Variants in CYP2C18 observed in about 807,000 individuals in gnomAD.
CYP2C18 encodes the protein cytochrome P450 2C18.
A neutral mutation model predicts 41.3 loss-of-function variants in CYP2C18; 38 were observed. The ratio of observed to expected loss-of-function variants is 0.92; its 90% CI spans 0.71 to 1.21. The LOEUF is 1.21. Among genes scored for constraint, CYP2C18 ranks in the 50% most tolerant of loss-of-function variants. The pLI is 0.00. For synonymous variants in CYP2C18, 236 were observed against 210.0 expected (o/e 1.12, Z -1.07); for missense variants, 635 against 591.4 (o/e 1.07, Z -0.77).
chr10:94,716,352 A>C (rs190348126), intron 5 of CYP2C18, among the ~76,000 whole-genome samples: 1 of 152,204 alleles, frequency 6.6e-6, no homozygotes, highest in Admixed American at 6.5e-5. Flanking sequence ...ACACTGCTTT[A>C]AATGTGTCCC....
chr10:94,684,636 T>C (rs1028818946), intron 1 of CYP2C18, among the ~76,000 whole-genome samples: 1 of 152,204 alleles, frequency 6.6e-6, no homozygotes, highest in African/African-American at 2.4e-5. Context: ...ATCTTGGCTA[T>C]TGTCAATAGC....
At chr10:94,704,231 A>C (rs1296592123) in intron 4 of CYP2C18, among the ~76,000 whole-genome samples, 2 of 152,094 alleles carry the variant, frequency 1.3e-5, no homozygotes, top group African/African-American at 2.4e-5. Context: ...TGTGAAGTGA[A>C]TGTTTGAAAA....
chr10:94,719,643 C>T (rs528160784), intron 5 of CYP2C18, among the ~76,000 whole-genome samples: 6 of 150,246 alleles, frequency 4.0e-5, no homozygotes, highest in East Asian at 4.0e-4. Flanking sequence ...GGTGTGATCT[C>T]GGCTCACTGC....
intron 5 of CYP2C18, among the ~76,000 whole-genome samples, chr10:94,712,848 CT>C (rs1234049579): frequency 9.2e-5 from 14 of 152,160 alleles, no homozygotes; most frequent in African/African-American, 2.9e-4. Context: ...TTCACCAACA[CT>C]TGTTTTTTCT....
At chr10:94,690,897 T>C (rs1171468660) in intron 3 of CYP2C18, among the ~76,000 whole-genome samples, 32 of 152,046 alleles carry the variant, frequency 2.1e-4, no homozygotes, top group Admixed American at 2.1e-3. Context: ...AGTAATCCAG[T>C]ATATAAACAG....
At chr10:94,720,160 C>G (rs1847623863) in intron 5 of CYP2C18, among the ~76,000 whole-genome samples, 1 of 152,130 alleles carries the variant, frequency 6.6e-6, no homozygotes, top group African/African-American at 2.4e-5. Flanking sequence ...ATGGCCAACA[C>G]AGCTCCAAAA....
intron 4 of CYP2C18, among the ~76,000 whole-genome samples, chr10:94,696,070 A>C (rs58097738): frequency 0.025 from 3,842 of 152,220 alleles, 148 homozygotes; most frequent in African/African-American, 0.075. Context: ...GGCATAGCCA[A>C]ACAAAAGGCA....
chr10:94,734,406 C>T (rs570067429), intron 8 of CYP2C18, among the ~76,000 whole-genome samples: 32 of 152,162 alleles, frequency 2.1e-4, no homozygotes, highest in South Asian at 1.5e-3. Flanking sequence ...AAGGATTTCA[C>T]GTTTTAGCAA....
In CYP2C18 at chr10:94,691,819, A is replaced by C. The variant is rs915927715; in HGVS notation, c.482-3098A>C. ...CAAAACAGCATGGTACTGGTACCAA[A>C]ACAGAGATATAGACCAATGGAACAG... On this transcript the variant is annotated intron_variant, in intron 3 of 8. Transcript: ENST00000285979. 7.2e-5 allele frequency among the ~76,000 whole-genome samples: 11 copies of C among 152,294 alleles called. No homozygotes were observed. In the South Asian group the frequency reaches 2.1e-3, roughly 29 times the overall value.
intron 7 of CYP2C18, among the ~76,000 whole-genome samples, chr10:94,724,770 T>C (rs573722904): frequency 5.3e-5 from 2 of 38,020 alleles, no homozygotes; most frequent in South Asian, 2.8e-3. Flanking sequence ...TTTTTTTTTG[T>C]GGCTATTCTC....
chr10:94,689,090 G>A (rs535434040), intron 3 of CYP2C18, among the ~76,000 whole-genome samples: 1 of 152,032 alleles, frequency 6.6e-6, no homozygotes, highest in Non-Finnish European at 1.5e-5. Flanking sequence ...TAATTTCCCT[G>A]TTAATTAAGA....
Position 94,735,330 on chromosome 10 carries a change from G to A in CYP2C18, c.1359G>A (p.Leu453=). The change falls in exon 9 of 9, where the codon TTG becomes TTA. Residue 453 remains leucine (L), a synonymous_variant. Transcript: ENST00000285979. ...MELFLFLTTI[L]QNFNLKSQVD... ...TGTTTTTATTCCTGACCACCATTTTGCAGAACTTTAACCTGAAATCTCAGG... is the reference window on the plus strand; with the variant it reads ...TGTTTTTATTCCTGACCACCATTTTACAGAACTTTAACCTGAAATCTCAGG... 2 of 1,613,700 alleles carry A rather than the reference G, an allele frequency of 1.2e-6. No individual in the cohort carries two copies. The highest frequency in any genetic ancestry group is 1.7e-6 in the Non-Finnish European group (2 of 1,179,760).
rs774342624 is a variant in CYP2C18 at position 94,735,410 on chromosome 10, C to T, written c.1439C>T (p.Pro480Leu). 1.1e-5 allele frequency: 18 copies of T among 1,613,514 alleles called. No homozygotes were observed. The highest frequency in any genetic ancestry group is 1.5e-5 in the Non-Finnish European group (18 of 1,179,674). ...ATTGCCAATGCATTTGGTCGTGTGCCACCCTTGTACCAGCTCTGCTTCATT... is the reference window on the plus strand; with the variant it reads ...ATTGCCAATGCATTTGGTCGTGTGCTACCCTTGTACCAGCTCTGCTTCATT... ...TPIANAFGRV[P>L]PLYQLCFIPV The change falls in exon 9 of 9, where the codon CCA becomes CTA. Residue 480 changes from proline (P) to leucine (L), a missense_variant. Pro to Leu is a moderately conservative substitution (Grantham distance 98). Coordinates refer to ENST00000285979, the MANE Select transcript of CYP2C18 (RefSeq NM_000772.3).
chr10:94,723,776 A>G (rs1589805409), intron 6 of CYP2C18, among the ~76,000 whole-genome samples: 1 of 84,644 alleles, frequency 1.2e-5, no homozygotes, highest in Admixed American at 1.0e-4. Flanking sequence ...AGAAATTTTC[A>G]AAGATAAATT....
chr10:94,731,005 A>G (rs1353501615), intron 7 of CYP2C18, among the ~76,000 whole-genome samples: 1 of 152,220 alleles, frequency 6.6e-6, no homozygotes, highest in East Asian at 1.9e-4. Flanking sequence ...ACTGCAAAAC[A>G]CTACTGAAAG....
intron 4 of CYP2C18, among the ~76,000 whole-genome samples, chr10:94,698,188 G>T (rs557281644): frequency 1.3e-3 from 201 of 152,302 alleles, no homozygotes; most frequent in African/African-American, 4.7e-3. Context: ...ATTCTTTTCA[G>T]CACCACACCA....
At position 94,733,441 on chromosome 10, in the gene CYP2C18, A is replaced by T; in HGVS notation, c.1291+3A>T. 1 of 1,613,004 alleles carries T rather than the reference A, an allele frequency of 6.2e-7. No individual in the cohort carries two copies. The highest frequency in any genetic ancestry group is 8.5e-7 in the Non-Finnish European group (1 of 1,179,338). ...CTACTTCATGCCTTTCTCAGCAGGT[A>T]ATAGATATTCATTTCCATCTGTCCT... is the stretch of plus-strand genomic sequence containing the variant. On this transcript the variant is annotated splice_donor_region_variant and intron_variant, in intron 8 of 8. Coordinates refer to ENST00000285979, the MANE Select transcript of CYP2C18 (RefSeq NM_000772.3).
intron 3 of CYP2C18, among the ~76,000 whole-genome samples, chr10:94,692,357 G>T (rs1247125593): frequency 1.3e-5 from 2 of 151,942 alleles, no homozygotes; most frequent in Non-Finnish European, 2.9e-5. Context: ...CAAAAAGTGG[G>T]CAAAGGATAT....
intron 7 of CYP2C18, among the ~76,000 whole-genome samples, chr10:94,732,029 TAAC>T (rs1847842811): frequency 6.6e-6 from 1 of 152,296 alleles, no homozygotes; most frequent in African/African-American, 2.4e-5. Flanking sequence ...AAGTAACTAT[TAAC>T]AAAGTAAACA....
Sources: allele counts gnomAD v4.1 joint callset (sites outside exome capture counted in the v4.1 genomes callset), GRCh38; gene constraint gnomAD v4.1.1; transcripts MANE v1.5; gene names NCBI Gene and HGNC (gene_info 2026-07-23, HGNC 2026-07-21).